FBLN5: variants seen among roughly 807,000 people sequenced by gnomAD.
The protein encoded by FBLN5 is fibulin-5.
In FBLN5, 24 loss-of-function variants were observed where a neutral mutation model predicts 61.6. That is an observed-to-expected ratio of 0.39 (90% CI 0.28 to 0.55). FBLN5 has a LOEUF of 0.55. Ranked by LOEUF, FBLN5 falls within the 20% of genes least tolerant of loss-of-function variation. FBLN5 has a pLI of 0.65. For synonymous variants in FBLN5, 213 were observed against 219.8 expected (o/e 0.97, Z 0.27); for missense variants, 470 against 594.1 (o/e 0.79, Z 2.17).
At chr14:91,934,256 T>C (rs2055975735) in intron 4 of FBLN5, among the ~76,000 whole-genome samples, 1 of 152,204 alleles carries the variant, frequency 6.6e-6, no homozygotes, top group East Asian at 1.9e-4. Context: ...GCACTGACTC[T>C]GAGCACCCTC....
intron 4 of FBLN5, among the ~76,000 whole-genome samples, chr14:91,900,293 T>C (rs115402507): frequency 0.012 from 1,791 of 152,336 alleles, 36 homozygotes; most frequent in African/African-American, 0.041. Flanking sequence ...TAAATATGCA[T>C]AAATATGTTC....
chr14:91,901,456 T>G (rs1318290814), intron 4 of FBLN5, among the ~76,000 whole-genome samples: 1 of 152,202 alleles, frequency 6.6e-6, no homozygotes, highest in African/African-American at 2.4e-5. Flanking sequence ...AATAACATGT[T>G]TTCCCAGCCC....
chr14:91,878,268 G>C (rs1889263971), intron 9 of FBLN5, among the ~76,000 whole-genome samples: 1 of 152,146 alleles, frequency 6.6e-6, no homozygotes. Context: ...TGAATAATAA[G>C]ATCCTGACCT....
intron 10 of FBLN5, among the ~76,000 whole-genome samples, chr14:91,872,335 C>G (rs1468082823): frequency 2.6e-5 from 4 of 152,092 alleles, no homozygotes; most frequent in Admixed American, 2.6e-4. Flanking sequence ...GAGAGATGCT[C>G]GCGGTCAGTG....
At chr14:91,924,891 A>G (rs2055801994) in intron 4 of FBLN5, among the ~76,000 whole-genome samples, 2 of 152,128 alleles carry the variant, frequency 1.3e-5, no homozygotes, top group Admixed American at 6.5e-5. Flanking sequence ...CCCCTCACTC[A>G]GCTCAGATGC....
At position 91,870,333 on chromosome 14, in the gene FBLN5, G is replaced by A. The variant is rs1341755191; in HGVS notation, c.1238C>T (p.Pro413Leu). ...TLVMTRPIKGPREIQLDLEMI... is the reference protein window; with the variant it reads ...TLVMTRPIKGLREIQLDLEMI... The stretch of plus-strand genomic sequence containing the variant: ...TTCCAAGTCCAGCTGGATTTCCCGG[G>A]GCCCTTTGATGGGGCGTGTCATCAC... The change falls in exon 11 of 11, where the codon CCC becomes CTC. Residue 413 changes from proline to leucine, a missense_variant. Physicochemically the swap from Pro to Leu is moderately conservative, Grantham distance 98. Coordinates refer to ENST00000342058, the MANE Select transcript of FBLN5 (RefSeq NM_006329.4). The A allele has an allele frequency of 2.5e-6, 4 of 1,614,032 alleles. No individual in the cohort carries two copies. In the South Asian group the frequency reaches 4.4e-5, roughly 18 times the overall value.
chr14:91,870,496 C>T, intron 10 of FBLN5, 111 bp from the exon 11 acceptor site: 1 of 1,017,512 alleles, frequency 9.8e-7, no homozygotes, highest in Non-Finnish European at 1.6e-6. Flanking sequence ...CCCTCGGTGC[C>T]TCAACTGTGC....
intron 4 of FBLN5, among the ~76,000 whole-genome samples, chr14:91,931,994 C>T (rs750988287): frequency 1.6e-4 from 25 of 152,186 alleles, no homozygotes; most frequent in Non-Finnish European, 3.4e-4. Context: ...CAGAACTCTA[C>T]GTATGTGTTT....
At chr14:91,886,247 G>A (rs547312623) in intron 7 of FBLN5, among the ~76,000 whole-genome samples, 44 of 152,190 alleles carry the variant, frequency 2.9e-4, no homozygotes, top group Non-Finnish European at 2.1e-4. Flanking sequence ...AACTGCTGAT[G>A]ATGCCAGAAG....
At chr14:91,876,760 G>A (rs1049764474) in intron 10 of FBLN5, among the ~76,000 whole-genome samples, 15 of 152,324 alleles carry the variant, frequency 9.8e-5, no homozygotes, top group African/African-American at 3.1e-4. Flanking sequence ...TCAGCTCAGT[G>A]AAACTGATTT....
chr14:91,929,395 A>C lies in FBLN5; in HGVS notation c.379+7552T>G, dbSNP rs1376437140. ...AAAGTTAGTGGGGAAAAATATGACGATAGATCCCTTGATTTATATCCACAG... is the reference window on the plus strand; with the variant it reads ...AAAGTTAGTGGGGAAAAATATGACGCTAGATCCCTTGATTTATATCCACAG... On this transcript the variant is annotated intron_variant, in intron 4 of 10. Transcript: ENST00000342058. Among the ~76,000 whole-genome samples the C allele has an allele frequency of 2.6e-5, 4 of 152,296 alleles. No individual in the cohort carries two copies. The East Asian group carries it at 7.7e-4, about 29-fold the overall frequency.
chr14:91,941,730 C>A (rs1281631924), intron 2 of FBLN5, among the ~76,000 whole-genome samples: 1 of 152,080 alleles, frequency 6.6e-6, no homozygotes, highest in Non-Finnish European at 1.5e-5. Flanking sequence ...TCACTCTAGC[C>A]CCTACTCTCT....
intron 4 of FBLN5, among the ~76,000 whole-genome samples, chr14:91,921,569 C>CT (rs2055734769): frequency 6.6e-6 from 1 of 152,222 alleles, no homozygotes; most frequent in Non-Finnish European, 1.5e-5. Flanking sequence ...CCCAGACCTA[C>CT]TGAGTCAGAA....
chr14:91,917,812 G>A (rs1203070007), intron 4 of FBLN5, among the ~76,000 whole-genome samples: 1 of 152,132 alleles, frequency 6.6e-6, no homozygotes, highest in Non-Finnish European at 1.5e-5. Context: ...ACAAGTGAAT[G>A]TATTTCACTT....
intron 4 of FBLN5, among the ~76,000 whole-genome samples, chr14:91,922,248 G>A (rs909307429): frequency 8.6e-5 from 13 of 151,496 alleles, no homozygotes; most frequent in Non-Finnish European, 1.9e-4. Context: ...AGCCGAGATC[G>A]CACCACTGCA....
intron 4 of FBLN5, among the ~76,000 whole-genome samples, chr14:91,921,340 A>C (rs979378893): frequency 9.2e-5 from 14 of 152,218 alleles, no homozygotes; most frequent in African/African-American, 3.4e-4. Flanking sequence ...CTGAGCCTTC[A>C]GCCAATAGCC....
At chr14:91,900,331 T>G (rs1237914579) in intron 4 of FBLN5, among the ~76,000 whole-genome samples, 1 of 152,264 alleles carries the variant, frequency 6.6e-6, no homozygotes, top group Non-Finnish European at 1.5e-5. Context: ...ATATGTATGA[T>G]AGCTATGTGT....
chr14:91,871,220 T>TAAAA (rs1566796031), intron 10 of FBLN5, among the ~76,000 whole-genome samples: 19 of 23,938 alleles, frequency 7.9e-4, no homozygotes, highest in African/African-American at 1.2e-3. Flanking sequence ...GATCAGTAAT[T>TAAAA]TAAAAAAAAA....
At chr14:91,906,078 G>T (rs1259414656) in intron 4 of FBLN5, among the ~76,000 whole-genome samples, 1 of 152,078 alleles carries the variant, frequency 6.6e-6, no homozygotes, top group African/African-American at 2.4e-5. Context: ...GTAGAGACAG[G>T]GTTTTGCCAT....
Sources: gnomAD v4.1 joint callset for allele counts (sites outside exome capture counted in the v4.1 genomes callset) on GRCh38, gnomAD v4.1.1 for gene constraint, MANE v1.5 for transcripts, NCBI Gene and HGNC (gene_info 2026-07-23, HGNC 2026-07-21) for gene names.